Variants in PDCD7 observed in about 807,000 individuals in gnomAD.
The protein encoded by PDCD7 is programmed cell death protein 7.
Under a neutral mutation model 42.1 loss-of-function variants are expected in PDCD7, and 40 were observed. The observed-to-expected ratio is 0.95, with a 90% CI of 0.74 to 1.24. The LOEUF (loss-of-function observed/expected upper bound fraction) is 1.24. PDCD7 is among the 50% of genes most tolerant of loss of function. PDCD7 has a pLI of 0.00. For missense variants in PDCD7, 644 were observed against 662.8 expected, an observed-to-expected ratio of 0.97 and a Z score of 0.31; for synonymous variants, 299 against 303.3, an observed-to-expected ratio of 0.99 and a Z score of 0.15.
Position 65,133,243 on chromosome 15 carries a change from C to T in PDCD7, c.539G>A (p.Arg180Gln). ...SLGEVRARLLRALRLVRRLRG... is the reference protein window; with the variant it reads ...SLGEVRARLLQALRLVRRLRG... Reference sequence around the variant, plus strand: ...CAGCCGCCGCACCAGGCGCAGAGCCCGGAGCAATCGCGCGCGCACTTCGCC... The same window carrying T: ...CAGCCGCCGCACCAGGCGCAGAGCCTGGAGCAATCGCGCGCGCACTTCGCC... Residue 180 changes from arginine to glutamine, a missense_variant, in exon 1 of 5, where the codon CGG becomes CAG. By Grantham distance (43) the Arg-to-Gln change is conservative. Coordinates refer to ENST00000204549, the MANE Select transcript of PDCD7 (RefSeq NM_005707.2). The T allele has an allele frequency of 1.5e-6, 2 of 1,355,706 alleles. No homozygotes were observed. Among genetic ancestry groups the T allele is most frequent in the Non-Finnish European group, 1.9e-6 (2 of 1,062,170 alleles). 84.0% of individuals were successfully genotyped at this position (1,355,706 alleles called of 1,614,324 possible).
intron 2 of PDCD7, among the ~76,000 whole-genome samples, chr15:65,122,979 G>GC (rs1407603613): frequency 6.6e-6 from 1 of 151,228 alleles, no homozygotes; most frequent in African/African-American, 2.4e-5. Flanking sequence ...TCCAGCCTGG[G>GC]CAACAAGAGT....
chr15:65,119,871 G>A lies in PDCD7; in HGVS notation c.1093C>T (p.Leu365=). Residue 365 remains leucine (L), a synonymous_variant, in exon 3 of 5, where the codon CTG becomes TTG. Coordinates refer to ENST00000204549, the MANE Select transcript of PDCD7 (RefSeq NM_005707.2). The part of the protein sequence containing the change: ...LRKLIKKRSE[L]YEAEERALRV... ...AGGGCTCTCTCTTCAGCTTCATACA[G>A]TTCAGAGCGCTTTTTAATGAGTTTT... The A allele has an allele frequency of 6.2e-7, 1 of 1,614,064 alleles. No individual in the cohort carries two copies. The highest frequency in any genetic ancestry group is 8.5e-7 in the Non-Finnish European group (1 of 1,180,022).
At chr15:65,126,257 A>G (rs1009010107) in intron 2 of PDCD7, among the ~76,000 whole-genome samples, 1 of 151,970 alleles carries the variant, frequency 6.6e-6, no homozygotes, top group South Asian at 2.1e-4. Flanking sequence ...TTCATCTTCT[A>G]CCTTGATTTT....
chr15:65,128,973 G>A (rs2087517568), intron 2 of PDCD7, 59 bp downstream of exon 2: 1 of 1,571,786 alleles, frequency 6.4e-7, no homozygotes, highest in Non-Finnish European at 8.7e-7. Flanking sequence ...TTTGGGGTGG[G>A]AGGAGCTAGA....
chr15:65,119,260 T>C, intron 4 of PDCD7, 116 bp downstream of exon 4: 1 of 648,914 alleles, frequency 1.5e-6, no homozygotes, highest in East Asian at 2.8e-5. Context: ...TTTTTTTAAG[T>C]TCCTTATGGA....
chr15:65,128,862 T>C (rs944241979), intron 2 of PDCD7, among the ~76,000 whole-genome samples, 170 bp downstream of exon 2: 6 of 152,226 alleles, frequency 3.9e-5, no homozygotes, highest in African/African-American at 1.4e-4. Flanking sequence ...AAACATCTTC[T>C]GAGGCTTCCT....
chr15:65,132,057 C>CACACAT (rs561257987), intron 1 of PDCD7, among the ~76,000 whole-genome samples: 1 of 149,520 alleles, frequency 6.7e-6, no homozygotes, highest in African/African-American at 2.5e-5. Context: ...CATATATATA[C>CACACAT]ACACATACAC....
Position 65,119,711 on chromosome 15 carries a change from A to G in PDCD7, c.1246+7T>C, listed in dbSNP as rs1297568271. On this transcript the variant is annotated splice_region_variant and intron_variant, in intron 3 of 4. Coordinates refer to ENST00000204549, the MANE Select transcript of PDCD7 (RefSeq NM_005707.2). ...TCATTTTCTCCACTGGTTATAGAGC[A>G]ACATACCTGGATCCCCAAACAACTT... 10 of 1,607,998 alleles carry G rather than the reference A, an allele frequency of 6.2e-6. No individual in the cohort carries two copies. The East Asian group carries it at 2.2e-4, about 36-fold the overall frequency.
At chr15:65,121,595 C>T (rs530326925) in intron 2 of PDCD7, among the ~76,000 whole-genome samples, 231 of 152,318 alleles carry the variant, frequency 1.5e-3, no homozygotes, top group Non-Finnish European at 2.4e-3. Context: ...AGTAGGCTGA[C>T]CAACTGTTTT....
At chr15:65,124,012 T>C (rs1188038021) in intron 2 of PDCD7, among the ~76,000 whole-genome samples, 3 of 152,172 alleles carry the variant, frequency 2.0e-5, no homozygotes, top group Non-Finnish European at 2.9e-5. Flanking sequence ...CATCATCCTA[T>C]GTTAGCCTAA....
intron 2 of PDCD7, among the ~76,000 whole-genome samples, chr15:65,127,815 G>A (rs1440637631): frequency 1.3e-5 from 2 of 152,204 alleles, no homozygotes; most frequent in African/African-American, 4.8e-5. Flanking sequence ...CTTGGCAGAA[G>A]TTTACTGAGC....
In PDCD7 at chr15:65,120,940, A is replaced by G. The variant is rs567335849; in HGVS notation, c.1010-986T>C. Among the ~76,000 whole-genome samples the G allele has an allele frequency of 3.9e-5, 6 of 152,256 alleles. No homozygotes were observed. In the South Asian group the frequency reaches 1.2e-3, roughly 32 times the overall value. On this transcript the variant is annotated intron_variant, in intron 2 of 4. Coordinates refer to ENST00000204549, the MANE Select transcript of PDCD7 (RefSeq NM_005707.2). ...GGTTAAAATTTAGAAATTTTACCCA[A>G]TCTTTTAAGGCTCAATTTGATGTTT...
Position 65,119,969 on chromosome 15 carries a change from C to CA in PDCD7, c.1010-16dup, listed in dbSNP as rs764900427. The CA allele has an allele frequency of 2.5e-5, 39 of 1,586,332 alleles. No individual in the cohort carries two copies. Among genetic ancestry groups the CA allele is most frequent in the Non-Finnish European group, 3.3e-5 (39 of 1,171,692 alleles). ...AGGACAGACCCCTGGGCAGACAGGA[C>CA]AAAATGGCATTTTATTTATTTTTTT... is the stretch of plus-strand genomic sequence containing the variant. On this transcript the variant is annotated splice_polypyrimidine_tract_variant and intron_variant, in intron 2 of 4. Transcript: ENST00000204549.
intron 2 of PDCD7, among the ~76,000 whole-genome samples, chr15:65,122,576 C>G (rs1456462390): frequency 6.6e-6 from 1 of 152,164 alleles, no homozygotes; most frequent in African/African-American, 2.4e-5. Context: ...CCTATTTCAT[C>G]AAATCAATAC....
At chr15:65,119,300 TA>T in intron 4 of PDCD7, 75 bp downstream of exon 4, 1 of 940,756 alleles carries the variant, frequency 1.1e-6, no homozygotes, top group Non-Finnish European at 1.7e-6. Context: ...GTAATAGACC[TA>T]AACAATGTAA....
chr15:65,133,082 C>T lies in PDCD7; in HGVS notation c.700G>A (p.Glu234Lys). The T allele has an allele frequency of 6.4e-7, 1 of 1,569,850 alleles. No homozygotes were observed. Among genetic ancestry groups the T allele is most frequent in the Non-Finnish European group, 8.6e-7 (1 of 1,164,458 alleles). Residue 234 changes from glutamate (E) to lysine (K), a missense_variant, in exon 1 of 5, where the codon GAG becomes AAG. Glu to Lys is a moderately conservative substitution (Grantham distance 56, BLOSUM62 1). Transcript: ENST00000204549. Reference protein sequence around the residue: ...QPLTQAAYVGEARRRLERVRR... With the variant: ...QPLTQAAYVGKARRRLERVRR... ...ACCCTCTCCAGCCTCCTCCGCGCCT[C>T]GCCCACATAGGCAGCCTGGGTCAAC...
chr15:65,133,070 T>C lies in PDCD7; in HGVS notation c.712A>G (p.Arg238Gly). ...QAAYVGEARRRLERVRRRRLR... is the reference protein window; with the variant it reads ...QAAYVGEARRGLERVRRRRLR... ...CGGCGGCGCCGGACCCTCTCCAGCC[T>C]CCTCCGCGCCTCGCCCACATAGGCA... Residue 238 changes from arginine to glycine, a missense_variant, in exon 1 of 5, where the codon AGG becomes GGG. Physicochemically the swap from Arg to Gly is moderately radical, Grantham distance 125. Transcript: ENST00000204549. The C allele has an allele frequency of 6.3e-7, 1 of 1,578,056 alleles. No homozygotes were observed. Among genetic ancestry groups the C allele is most frequent in the Non-Finnish European group, 8.6e-7 (1 of 1,168,598 alleles).
At chr15:65,118,972 G>A in intron 4 of PDCD7, 132 bp from the exon 5 acceptor site, 3 of 589,330 alleles carry the variant, frequency 5.1e-6, no homozygotes, top group Non-Finnish European at 5.3e-6. Flanking sequence ...TGATTTCTAG[G>A]AATCAAGAAA....
In PDCD7 at chr15:65,133,717, G is replaced by A; in HGVS notation, c.65C>T (p.Pro22Leu). 1 of 1,315,308 alleles carries A rather than the reference G, an allele frequency of 7.6e-7. No homozygotes were observed. The highest frequency in any genetic ancestry group is 2.3e-5 in the South Asian group (1 of 42,636). The allele number at this position is 1,315,308 out of a possible 1,614,324, so 81.5% of individuals were successfully genotyped here. The change falls in exon 1 of 5, where the codon CCT becomes CTT. Residue 22 changes from proline to leucine, a missense_variant. Physicochemically the swap from Pro to Leu is moderately conservative, Grantham distance 98. Coordinates refer to ENST00000204549, the MANE Select transcript of PDCD7 (RefSeq NM_005707.2). ...PGPPPPQPPP[P>L]APFGCPPPPL... ...CGGTGGCGGACAGCCGAAAGGAGCA[G>A]GAGGCGGCGGCTGCGGGGGCGGTGG...
Sources: gnomAD v4.1 joint callset for allele counts (sites outside exome capture counted in the v4.1 genomes callset) on GRCh38, gnomAD v4.1.1 for gene constraint, MANE v1.5 for transcripts, NCBI Gene and HGNC (gene_info 2026-07-23, HGNC 2026-07-21) for gene names.